DLGAP1: variants seen among roughly 807,000 people sequenced by gnomAD.
DLGAP1 encodes the protein disks large-associated protein 1.
Under a neutral mutation model 90.8 loss-of-function variants are expected in DLGAP1, and 11 were observed. That is an observed-to-expected ratio of 0.12 (90% CI 0.08 to 0.20). DLGAP1 has a LOEUF of 0.20. Ranked by LOEUF, DLGAP1 falls within the 10% of genes least tolerant of loss-of-function variation. The probability of loss-of-function intolerance (pLI) is 1.00; values close to 1 mark genes in which losing one functional copy is unlikely to be tolerated. For synonymous variants in DLGAP1, 558 were observed against 540.7 expected (o/e 1.03, Z -0.44); for missense variants, 1,050 against 1,333.8 (o/e 0.79, Z 3.31).
chr18:3,953,909 G>C (rs12968758), intron 3 of DLGAP1, among the ~76,000 whole-genome samples: 1 of 152,294 alleles, frequency 6.6e-6, no homozygotes, highest in African/African-American at 2.4e-5. Flanking sequence ...AAAATGGCCG[G>C]AGAGATTCCA....
intron 3 of DLGAP1, among the ~76,000 whole-genome samples, chr18:3,949,556 C>T (rs372890076): frequency 1.3e-5 from 2 of 152,270 alleles, no homozygotes; most frequent in South Asian, 2.1e-4. Context: ...TGGGTTCTGC[C>T]TTCCTCACAG....
chr18:4,053,721 A>C (rs1217668469), intron 2 of DLGAP1, among the ~76,000 whole-genome samples: 1 of 152,202 alleles, frequency 6.6e-6, no homozygotes, highest in Non-Finnish European at 1.5e-5. Flanking sequence ...CCGTGAGCCA[A>C]TTAAACCTCT....
At chr18:4,337,407 G>A (rs2081094736) in intron 1 of DLGAP1, among the ~76,000 whole-genome samples, 1 of 151,832 alleles carries the variant, frequency 6.6e-6, no homozygotes, top group Non-Finnish European at 1.5e-5. Flanking sequence ...TGCTTAGGCT[G>A]GTCTGGAACT....
intron 8 of DLGAP1, among the ~76,000 whole-genome samples, chr18:3,576,060 A>G (rs560141115): frequency 0.012 from 1,846 of 152,276 alleles, 30 homozygotes; most frequent in African/African-American, 0.042. Context: ...AGCAGCCTCG[A>G]GCCCATCTTC....
At chr18:4,345,919 C>T (rs1167911700) in intron 1 of DLGAP1, among the ~76,000 whole-genome samples, 2 of 152,194 alleles carry the variant, frequency 1.3e-5, no homozygotes, top group Non-Finnish European at 2.9e-5. Flanking sequence ...GTGAAGTCTG[C>T]TTTGCAACAC....
At chr18:3,726,959 C>T (rs1370489321) in intron 7 of DLGAP1, among the ~76,000 whole-genome samples, 1 of 152,186 alleles carries the variant, frequency 6.6e-6, no homozygotes, top group African/African-American at 2.4e-5. Context: ...TCCCACATAG[C>T]ATTTCTGGTT....
intron 3 of DLGAP1, among the ~76,000 whole-genome samples, chr18:3,894,168 A>C (rs145174409): frequency 9.2e-5 from 14 of 152,280 alleles, no homozygotes; most frequent in African/African-American, 3.4e-4. Flanking sequence ...CCCATTCTGT[A>C]AGTGGTCTGA....
intron 1 of DLGAP1, among the ~76,000 whole-genome samples, chr18:4,448,031 G>A (rs1671001909): frequency 6.6e-6 from 1 of 152,106 alleles, no homozygotes; most frequent in South Asian, 2.1e-4. Flanking sequence ...CCATCTTCTG[G>A]ACCAGGAACA....
At chr18:4,428,114 T>C (rs1249879412) in intron 1 of DLGAP1, among the ~76,000 whole-genome samples, 1 of 152,204 alleles carries the variant, frequency 6.6e-6, no homozygotes, top group Non-Finnish European at 1.5e-5. Context: ...TGATACAGTT[T>C]AAATCTGGGT....
intron 7 of DLGAP1, among the ~76,000 whole-genome samples, chr18:3,682,529 T>A (rs997220387): frequency 1.3e-5 from 2 of 152,224 alleles, no homozygotes; most frequent in African/African-American, 4.8e-5. Context: ...GGCCCGATCC[T>A]CTCTCTGTTT....
chr18:4,270,405 T>C (rs903252409), intron 1 of DLGAP1, among the ~76,000 whole-genome samples: 8 of 152,192 alleles, frequency 5.3e-5, no homozygotes, highest in Non-Finnish European at 1.2e-4. Context: ...ATGGCATCAT[T>C]TGGGAGGCGT....
chr18:4,423,668 T>C (rs2083088538), intron 1 of DLGAP1, among the ~76,000 whole-genome samples: 1 of 152,020 alleles, frequency 6.6e-6, no homozygotes, highest in Non-Finnish European at 1.5e-5. Flanking sequence ...ACTGAGAGAA[T>C]GCAGTGCTCC....
chr18:3,942,314 T>G (rs1213251327), intron 3 of DLGAP1, among the ~76,000 whole-genome samples: 1 of 151,978 alleles, frequency 6.6e-6, no homozygotes, highest in Non-Finnish European at 1.5e-5. Flanking sequence ...GAAAGAGAGG[T>G]TCAATCATGT....
chr18:3,596,623 C>T, intron 7 of DLGAP1: 1 of 288,730 alleles, frequency 3.5e-6, no homozygotes, highest in Non-Finnish European at 6.7e-6. Flanking sequence ...CAAGATCAGG[C>T]ACTGCTGTCT....
intron 2 of DLGAP1, among the ~76,000 whole-genome samples, chr18:4,006,993 G>A (rs561953656): frequency 1.1e-4 from 17 of 152,214 alleles, no homozygotes; most frequent in Non-Finnish European, 1.9e-4. Context: ...ATGTTTAACT[G>A]AATAAGAAAC....
At chr18:4,119,535 T>C (rs1439242199) in intron 2 of DLGAP1, among the ~76,000 whole-genome samples, 2 of 152,224 alleles carry the variant, frequency 1.3e-5, no homozygotes, top group Non-Finnish European at 2.9e-5. Context: ...AATAGCACTT[T>C]GTCCTCATTG....
At chr18:3,529,464 T>C (rs1158796384) in intron 10 of DLGAP1, among the ~76,000 whole-genome samples, 1 of 152,246 alleles carries the variant, frequency 6.6e-6, no homozygotes, top group Non-Finnish European at 1.5e-5. Context: ...TATTACTTAT[T>C]GAAGTTTTTT....
chr18:4,049,171 G>C (rs1475074163), intron 2 of DLGAP1, among the ~76,000 whole-genome samples: 3 of 150,286 alleles, frequency 2.0e-5, no homozygotes, highest in Admixed American at 1.3e-4. Context: ...AAGTTGCAGT[G>C]AGCCAAGATC....
chr18:4,348,101 G>A (rs34025036), intron 1 of DLGAP1, among the ~76,000 whole-genome samples: 22,898 of 152,010 alleles, frequency 0.15, 1,832 homozygotes, highest in East Asian at 0.27. Context: ...TGTTTTGACC[G>A]CTTACTCCAA....
Sources: allele counts gnomAD v4.1 joint callset (sites outside exome capture counted in the v4.1 genomes callset), GRCh38; gene constraint gnomAD v4.1.1; transcripts MANE v1.5; gene names NCBI Gene and HGNC (gene_info 2026-07-23, HGNC 2026-07-21).